HEMK1: variants seen among roughly 807,000 people sequenced by gnomAD.
HEMK1 encodes the protein HemK methyltransferase 1, mitochondrial release factors N(5)-glutamine, also known as MTRF1L release factor glutamine methyltransferase.
Under a neutral mutation model 47.9 loss-of-function variants are expected in HEMK1, and 36 were observed. The ratio of observed to expected loss-of-function variants is 0.75; its 90% CI spans 0.58 to 0.99. HEMK1 has a LOEUF of 0.99. HEMK1 is among the 50% of genes least tolerant of loss of function. The pLI, the probability that HEMK1 is intolerant of heterozygous loss-of-function variation, is 0.00. For synonymous variants in HEMK1, 153 were observed against 165.4 expected, an observed-to-expected ratio of 0.93 and a Z score of 0.57; for missense variants, 383 against 434.5, an observed-to-expected ratio of 0.88 and a Z score of 1.05.
intron 2 of HEMK1, 155 bp downstream of exon 2, chr3:50,571,487 T>C (rs933596751): frequency 3.0e-6 from 2 of 677,530 alleles, no homozygotes; most frequent in Admixed American, 2.8e-5. Flanking sequence ...TGTAACAGTT[T>C]GTTGGATGAA....
intron 1 of HEMK1, 76 bp from the exon 2 acceptor site, chr3:50,570,855 T>C (rs923813655): frequency 4.6e-5 from 19 of 411,886 alleles, no homozygotes; most frequent in African/African-American, 3.9e-4. Context: ...AGCACAACTA[T>C]TCTCAGGCAA....
Position 50,580,806 on chromosome 3 carries a change from G to T in HEMK1, c.*389G>T. 3.3e-6 allele frequency: 1 copy of T among 304,686 alleles called. No individual in the cohort carries two copies. The highest frequency in any genetic ancestry group is 6.3e-6 in the Non-Finnish European group (1 of 159,694). 18.9% of individuals were successfully genotyped at this position (304,686 alleles called of 1,614,324 possible). On this transcript the variant is annotated 3_prime_UTR_variant, in exon 11 of 11. Transcript: ENST00000232854. The stretch of plus-strand genomic sequence containing the variant: ...AGTCCCCTGCTTGGTAGTGGTGTGG[G>T]GGTGCAGTGTGGAGGAAGGCACGTG...
rs2031419415 is a variant in HEMK1 at position 50,586,955 on chromosome 3, T to A, written c.*6538T>A. 6.6e-6 allele frequency: 1 copy of A among 152,354 alleles called. No individual in the cohort carries two copies. Among genetic ancestry groups the A allele is most frequent in the Non-Finnish European group, 1.5e-5 (1 of 68,214 alleles). The allele number at this position is 152,354 out of a possible 1,614,324, so 9.4% of individuals were successfully genotyped here. ...CCCTGCCTGGCTAATTTTTAATTTT[T>A]TTTTTTTTTTAGAAACGGGGTCTTG... On this transcript the variant is annotated 3_prime_UTR_variant, in exon 11 of 11. Transcript: ENST00000232854.
At chr3:50,574,447 C>A (rs1425566915) in intron 4 of HEMK1, among the ~76,000 whole-genome samples, 1 of 152,190 alleles carries the variant, frequency 6.6e-6, no homozygotes, top group Non-Finnish European at 1.5e-5. Flanking sequence ...TAGCTTCTTA[C>A]CCTCCCCAAG....
At chr3:50,577,611 C>G (rs2029900160) in intron 6 of HEMK1, 38 bp downstream of exon 6, 1 of 1,585,726 alleles carries the variant, frequency 6.3e-7, no homozygotes, top group African/African-American at 1.3e-5. Flanking sequence ...CTAATCTTGA[C>G]TCCTTTTCAG....
Position 50,580,027 on chromosome 3 carries a change from A to G in HEMK1, c.866+88A>G, listed in dbSNP as rs1459686843. The G allele has an allele frequency of 6.6e-6, 10 of 1,519,646 alleles. No homozygotes were observed. In the East Asian group the frequency reaches 2.0e-4, roughly 31 times the overall value. 94.1% of individuals were successfully genotyped at this position (1,519,646 alleles called of 1,614,324 possible). A position where few individuals can be genotyped will look rare whatever the true frequency, so the allele number is the denominator to read the frequency against. ...TGGGCAGGCCCTGGCAGAGGTCAGC[A>G]CAGGACCCTCACCTCGCCAGCCCAA... On this transcript the variant is annotated intron_variant, in intron 9 of 10. Transcript: ENST00000232854.
chr3:50,580,488 G>A lies in HEMK1; in HGVS notation c.*71G>A. 1 of 1,477,498 alleles carries A rather than the reference G, an allele frequency of 6.8e-7. No homozygotes were observed. Among genetic ancestry groups the A allele is most frequent in the Non-Finnish European group, 9.4e-7 (1 of 1,059,120 alleles). The allele number at this position is 1,477,498 out of a possible 1,614,324, so 91.5% of individuals were successfully genotyped here. ...GAGGGGAGGTGGATGGCACTTTCCA[G>A]AGCCCAGGTTCTTATGGCATTTCCC... On this transcript the variant is annotated 3_prime_UTR_variant, in exon 11 of 11. Coordinates refer to ENST00000232854, the MANE Select transcript of HEMK1 (RefSeq NM_016173.5).
At position 50,595,946 on chromosome 3, in the gene HEMK1, A is replaced by C. The variant is rs1026337002; in HGVS notation, c.*15529A>C. On this transcript the variant is annotated 3_prime_UTR_variant, in exon 11 of 11. Transcript: ENST00000232854. ...AGGGCAGGTGCTCTAAAGGACTCTTAGAATTTCATTTTTAATGTTTAATAT... is the reference window on the plus strand; with the variant it reads ...AGGGCAGGTGCTCTAAAGGACTCTTCGAATTTCATTTTTAATGTTTAATAT... 2 of 152,230 alleles carry C rather than the reference A, an allele frequency of 1.3e-5. No individual in the cohort carries two copies. Among genetic ancestry groups the C allele is most frequent in the Admixed American group, 1.3e-4 (2 of 15,276 alleles). The allele number at this position is 152,230 out of a possible 1,614,324, so 9.4% of individuals were successfully genotyped here. A position where few individuals can be genotyped will look rare whatever the true frequency, so the allele number is the denominator to read the frequency against.
rs2031958474 is a variant in HEMK1 at position 50,596,080 on chromosome 3, C to T, written c.*15663C>T. Reference sequence around the variant, plus strand: ...CTGGAAATTGTGCTTTGTCTGTTACCACTCTCTTCTAATCTGCCTGTGGCC... The same window carrying T: ...CTGGAAATTGTGCTTTGTCTGTTACTACTCTCTTCTAATCTGCCTGTGGCC... On this transcript the variant is annotated 3_prime_UTR_variant, in exon 11 of 11. Coordinates refer to ENST00000232854, the MANE Select transcript of HEMK1 (RefSeq NM_016173.5). The T allele has an allele frequency of 1.3e-5, 2 of 152,076 alleles. No homozygotes were observed. The highest frequency in any genetic ancestry group is 2.9e-5 in the Non-Finnish European group (2 of 68,012). The allele number at this position is 152,076 out of a possible 1,614,324, so 9.4% of individuals were successfully genotyped here. A position where few individuals can be genotyped will look rare whatever the true frequency, so the allele number is the denominator to read the frequency against.
Position 50,580,489 on chromosome 3 carries a change from A to G in HEMK1, c.*72A>G. The stretch of plus-strand genomic sequence containing the variant: ...AGGGGAGGTGGATGGCACTTTCCAG[A>G]GCCCAGGTTCTTATGGCATTTCCCA... On this transcript the variant is annotated 3_prime_UTR_variant, in exon 11 of 11. Coordinates refer to ENST00000232854, the MANE Select transcript of HEMK1 (RefSeq NM_016173.5). The G allele has an allele frequency of 1.4e-6, 2 of 1,468,920 alleles. No individual in the cohort carries two copies. The highest frequency in any genetic ancestry group is 1.9e-6 in the Non-Finnish European group (2 of 1,052,126). 91.0% of individuals were successfully genotyped at this position (1,468,920 alleles called of 1,614,324 possible). A position where few individuals can be genotyped will look rare whatever the true frequency, so the allele number is the denominator to read the frequency against.
chr3:50,576,396 T>C (rs1446475727), intron 4 of HEMK1, among the ~76,000 whole-genome samples: 1 of 152,194 alleles, frequency 6.6e-6, no homozygotes, highest in Non-Finnish European at 1.5e-5. Flanking sequence ...CTATCAGGTA[T>C]GGTTCTTAGC....
At chr3:50,579,051 T>C (rs1177411984) in intron 8 of HEMK1, 125 bp downstream of exon 8, 3 of 679,468 alleles carry the variant, frequency 4.4e-6, no homozygotes, top group Admixed American at 2.5e-5. Flanking sequence ...TGGTGTTAAG[T>C]TGACGCACTC....
chr3:50,579,689 C>T (rs950007743), intron 8 of HEMK1, among the ~76,000 whole-genome samples, 155 bp from the exon 9 acceptor site: 8 of 152,178 alleles, frequency 5.3e-5, no homozygotes, highest in African/African-American at 1.9e-4. Context: ...AGCTGCCACC[C>T]ATTTGGGGCC....
At position 50,579,840 on chromosome 3, in the gene HEMK1, T is replaced by C. The variant is rs772984393; in HGVS notation, c.771-4T>C. 17 of 1,610,568 alleles carry C rather than the reference T, an allele frequency of 1.1e-5. No individual in the cohort carries two copies. The South Asian group carries it at 1.9e-4, about 18-fold the overall frequency. Reference sequence around the variant, plus strand: ...CTGTCACCTCCCACTGCTTTGCCTTTCAGCTATGAAGACCCCGCGGCCCTG... The same window carrying C: ...CTGTCACCTCCCACTGCTTTGCCTTCCAGCTATGAAGACCCCGCGGCCCTG... On this transcript the variant is annotated splice_polypyrimidine_tract_variant and splice_region_variant and intron_variant, in intron 8 of 10. Coordinates refer to ENST00000232854, the MANE Select transcript of HEMK1 (RefSeq NM_016173.5).
At chr3:50,571,676 G>T in intron 2 of HEMK1, 34 bp from the exon 3 acceptor site, 1 of 1,606,658 alleles carries the variant, frequency 6.2e-7, no homozygotes, top group Non-Finnish European at 8.5e-7. Flanking sequence ...CTTGGGCCCA[G>T]TGAGCCAGCC....
At chr3:50,580,325 TC>T (rs2030614902) in intron 10 of HEMK1, 55 bp from the exon 11 acceptor site, 2 of 1,611,432 alleles carry the variant, frequency 1.2e-6, no homozygotes, top group African/African-American at 1.3e-5. Flanking sequence ...TGTTCCCACT[TC>T]CTGTTCATTC....
At chr3:50,572,083 C>T (rs763389628) in intron 3 of HEMK1, 32 bp from the exon 4 acceptor site, 11 of 1,612,328 alleles carry the variant, frequency 6.8e-6, no homozygotes, top group Middle Eastern at 3.3e-4. Flanking sequence ...CTAGCTCTGT[C>T]CCTGATGACC....
intron 4 of HEMK1, among the ~76,000 whole-genome samples, chr3:50,575,149 G>T (rs1051481539): frequency 6.6e-6 from 1 of 152,136 alleles, no homozygotes; most frequent in African/African-American, 2.4e-5. Context: ...AGGGCCAGGC[G>T]CTGTGGCTTA....
At position 50,582,517 on chromosome 3, in the gene HEMK1, T is replaced by A. The variant is rs764276658; in HGVS notation, c.*2100T>A. 2.7e-4 allele frequency: 41 copies of A among 152,352 alleles called. No homozygotes were observed. Among genetic ancestry groups the A allele is most frequent in the African/African-American group, 8.9e-4 (37 of 41,590 alleles). The allele number at this position is 152,352 out of a possible 1,614,324, so 9.4% of individuals were successfully genotyped here. A position where few individuals can be genotyped will look rare whatever the true frequency, so the allele number is the denominator to read the frequency against. ...CAGATGACTTCACCTCACTCAGCCT[T>A]GGCTTCTAAGGCTGAGAAATGGGAC... On this transcript the variant is annotated 3_prime_UTR_variant, in exon 11 of 11. Transcript: ENST00000232854.
Sources: gnomAD v4.1 joint callset for allele counts (sites outside exome capture counted in the v4.1 genomes callset) on GRCh38, gnomAD v4.1.1 for gene constraint, MANE v1.5 for transcripts, NCBI Gene and HGNC (gene_info 2026-07-23, HGNC 2026-07-21) for gene names.